Variants in SPIDR observed in about 807,000 individuals in gnomAD.
SPIDR encodes scaffold protein involved in DNA repair.
SPIDR carries 93 observed loss-of-function variants against 104.6 expected under a neutral mutation model. The observed-to-expected ratio is 0.89, with a 90% CI of 0.75 to 1.06. The LOEUF (loss-of-function observed/expected upper bound fraction) is 1.06. Among genes scored for constraint, SPIDR ranks in the 50% least tolerant of loss-of-function variants. SPIDR has a pLI of 0.00. For synonymous variants in SPIDR, 431 were observed against 416.9 expected, an observed-to-expected ratio of 1.03 and a Z score of -0.41; for missense variants, 1,154 against 1,111.2, an observed-to-expected ratio of 1.04 and a Z score of -0.55.
In SPIDR at chr8:47,422,226, G is replaced by A. The variant is rs372391729; in HGVS notation, c.877+14265G>A. ...CCAGAGGTGGAGTCTACAGAGGCAG[G>A]CAGGCCTCCTTGAGCTCCAGTGGGC... On this transcript the variant is annotated intron_variant, in intron 7 of 19. Coordinates refer to ENST00000297423, the MANE Select transcript of SPIDR (RefSeq NM_001080394.4). 3.9e-5 allele frequency among the ~76,000 whole-genome samples: 6 copies of A among 152,222 alleles called. 1 individual carries two copies. In the East Asian group the frequency reaches 9.6e-4, roughly 24 times the overall value.
At chr8:47,511,705 G>T in intron 8 of SPIDR, 8 of 1,028,332 alleles carry the variant, frequency 7.8e-6, no homozygotes, top group Non-Finnish European at 1.2e-5. Flanking sequence ...AAATGGTCTT[G>T]GTGTACTGGT....
chr8:47,352,887 C>T (rs1054012755), intron 5 of SPIDR, among the ~76,000 whole-genome samples: 8 of 151,784 alleles, frequency 5.3e-5, no homozygotes, highest in Non-Finnish European at 1.2e-4. Context: ...AACCCCATCT[C>T]TACTAAAAAT....
At chr8:47,708,657 A>G (rs571910163) in intron 14 of SPIDR, among the ~76,000 whole-genome samples, 1 of 152,328 alleles carries the variant, frequency 6.6e-6, no homozygotes, top group South Asian at 2.1e-4. Flanking sequence ...TGACCTAAAA[A>G]TCTGCTCCAC....
chr8:47,728,036 G>C (rs529933132), intron 17 of SPIDR, among the ~76,000 whole-genome samples: 1 of 151,960 alleles, frequency 6.6e-6, no homozygotes, highest in South Asian at 2.1e-4. Context: ...AGAATCTCTC[G>C]AAACGGGGAG....
intron 8 of SPIDR, chr8:47,510,912 TGGA>T (rs2154375865): frequency 3.7e-6 from 2 of 541,374 alleles, no homozygotes; most frequent in Non-Finnish European, 6.6e-6. Flanking sequence ...CCTAGAGCTG[TGGA>T]GGAGATGTCA....
intron 4 of SPIDR, among the ~76,000 whole-genome samples, chr8:47,292,180 A>G (rs1362944407): frequency 6.6e-6 from 1 of 152,186 alleles, no homozygotes; most frequent in Non-Finnish European, 1.5e-5. Flanking sequence ...AGAGTATTTC[A>G]GTGTCTTAAT....
At chr8:47,449,325 C>T (rs139184921) in intron 8 of SPIDR, among the ~76,000 whole-genome samples, 7 of 152,172 alleles carry the variant, frequency 4.6e-5, no homozygotes, top group African/African-American at 1.4e-4. Context: ...TTTTTGGTGT[C>T]AGCAGTAATT....
At chr8:47,614,704 G>T (rs557471712) in intron 10 of SPIDR, among the ~76,000 whole-genome samples, 1 of 152,022 alleles carries the variant, frequency 6.6e-6, no homozygotes, top group Non-Finnish European at 1.5e-5. Flanking sequence ...TATTCCTTTG[G>T]GTGTATACCC....
chr8:47,419,449 G>C (rs1295888997), intron 7 of SPIDR, among the ~76,000 whole-genome samples: 6 of 152,104 alleles, frequency 3.9e-5, no homozygotes, highest in Non-Finnish European at 7.3e-5. Context: ...GTATTTCTGT[G>C]GGATCGGTGG....
chr8:47,613,581 T>A (rs990733978), intron 10 of SPIDR, among the ~76,000 whole-genome samples: 5 of 152,226 alleles, frequency 3.3e-5, no homozygotes, highest in Non-Finnish European at 5.9e-5. Flanking sequence ...CCTACTGTTT[T>A]CCACAGTGGC....
At position 47,288,917 on chromosome 8, in the gene SPIDR, A is replaced by G. The variant is rs919951295; in HGVS notation, c.257-2116A>G. Among the ~76,000 whole-genome samples, 52 of 152,318 alleles carry G rather than the reference A, an allele frequency of 3.4e-4. No homozygotes were observed. In the East Asian group the frequency reaches 7.7e-3, roughly 23 times the overall value. The stretch of plus-strand genomic sequence containing the variant: ...AACATTCCATTTTTTTTGTGCCACC[A>G]TTATTCCATGACATACATCTGGTAT... On this transcript the variant is annotated intron_variant, in intron 3 of 19. Transcript: ENST00000297423.
intron 8 of SPIDR, among the ~76,000 whole-genome samples, chr8:47,464,113 TACACACAC>T (rs113515816): frequency 0.03 from 4,242 of 143,438 alleles, 177 homozygotes; most frequent in African/African-American, 0.09. Context: ...CTAAAGATTA[TACACACAC>T]ACACACACAC....
At chr8:47,271,005 A>G (rs2035200803) in intron 1 of SPIDR, among the ~76,000 whole-genome samples, 3 of 152,320 alleles carry the variant, frequency 2.0e-5, no homozygotes, top group South Asian at 4.1e-4. Context: ...TCATGTTTAC[A>G]TTAGAATAAT....
intron 10 of SPIDR, among the ~76,000 whole-genome samples, chr8:47,629,317 T>C (rs1180958268): frequency 6.6e-6 from 1 of 152,230 alleles, no homozygotes; most frequent in East Asian, 1.9e-4. Flanking sequence ...TTATTTTATT[T>C]ATACATAGCA....
At chr8:47,408,976 AAG>A (rs1370405709) in intron 7 of SPIDR, among the ~76,000 whole-genome samples, 1 of 152,152 alleles carries the variant, frequency 6.6e-6, no homozygotes, top group East Asian at 1.9e-4. Flanking sequence ...TCATGAGGTC[AAG>A]AGATCGAGAC....
chr8:47,493,019 GAGAGA>G (rs2078961778), intron 8 of SPIDR, among the ~76,000 whole-genome samples: 2 of 2,534 alleles, frequency 7.9e-4, no homozygotes, highest in Admixed American at 7.5e-3. Context: ...AGCCATTGGA[GAGAGA>G]GAGAGAGAGA....
chr8:47,621,746 G>A (rs1000785269), intron 10 of SPIDR, among the ~76,000 whole-genome samples: 2 of 152,248 alleles, frequency 1.3e-5, no homozygotes, highest in Non-Finnish European at 2.9e-5. Flanking sequence ...GGCCAAGGCA[G>A]GCAGATCACC....
intron 10 of SPIDR, among the ~76,000 whole-genome samples, chr8:47,663,922 A>T (rs2074502706): frequency 2.0e-5 from 3 of 152,234 alleles, no homozygotes; most frequent in Admixed American, 2.0e-4. Context: ...ATGAAAGACA[A>T]GCATTTAAAA....
chr8:47,478,121 A>G (rs1347680483), intron 8 of SPIDR, among the ~76,000 whole-genome samples: 1 of 152,228 alleles, frequency 6.6e-6, no homozygotes, highest in Admixed American at 6.5e-5. Context: ...TATGGAAGGC[A>G]CAAGGAGTAC....
Sources: allele counts gnomAD v4.1 joint callset (sites outside exome capture counted in the v4.1 genomes callset), GRCh38; gene constraint gnomAD v4.1.1; transcripts MANE v1.5; gene names NCBI Gene and HGNC (gene_info 2026-07-23, HGNC 2026-07-21).